The following AHCYL2 variants were observed in gnomAD, a reference collection of about 807,000 sequenced individuals.
AHCYL2 encodes adenosylhomocysteinase like 2, also known as S-adenosylhomocysteine hydrolase-like protein 2.
AHCYL2 carries 28 observed loss-of-function variants against 81.4 expected under a neutral mutation model. The observed-to-expected ratio is 0.34, with a 90% confidence interval of 0.25 to 0.47. The LOEUF (loss-of-function observed/expected upper bound fraction) is 0.47. Ranked by LOEUF, AHCYL2 falls within the 20% of genes least tolerant of loss-of-function variation. The probability of loss-of-function intolerance (pLI) is 1.00; values close to 1 mark genes in which losing one functional copy is unlikely to be tolerated. For missense variants in AHCYL2, 551 were observed against 785.1 expected (o/e 0.70, Z 3.56); for synonymous variants, 272 against 290.2 (o/e 0.94, Z 0.64).
At chr7:129,379,202 C>T (rs1794831854) in intron 1 of AHCYL2, among the ~76,000 whole-genome samples, 1 of 151,562 alleles carries the variant, frequency 6.6e-6, no homozygotes, top group Admixed American at 6.6e-5. Flanking sequence ...ATCACTTGAA[C>T]CCAGAAGGTG....
At chr7:129,308,187 G>C (rs1006087599) in intron 1 of AHCYL2, among the ~76,000 whole-genome samples, 1 of 150,298 alleles carries the variant, frequency 6.7e-6, no homozygotes, top group African/African-American at 2.5e-5. Flanking sequence ...AGTCCTAGTG[G>C]CCTAGACAGC....
At chr7:129,230,930 T>C (rs1457801753) in intron 1 of AHCYL2, among the ~76,000 whole-genome samples, 1 of 152,174 alleles carries the variant, frequency 6.6e-6, no homozygotes, top group Non-Finnish European at 1.5e-5. Context: ...CAGTTTCTTT[T>C]TATTTATTGC....
At chr7:129,342,969 T>C (rs1793238216) in intron 1 of AHCYL2, among the ~76,000 whole-genome samples, 1 of 152,204 alleles carries the variant, frequency 6.6e-6, no homozygotes, top group Admixed American at 6.5e-5. Flanking sequence ...TGAAATCTTT[T>C]CTCTTTTCCT....
chr7:129,399,177 G>A (rs189472171), intron 5 of AHCYL2, among the ~76,000 whole-genome samples: 308 of 147,646 alleles, frequency 2.1e-3, no homozygotes, highest in African/African-American at 7.0e-3. Flanking sequence ...GGCCAGGCGC[G>A]GTGGCTCACA....
intron 1 of AHCYL2, among the ~76,000 whole-genome samples, chr7:129,291,513 C>T (rs1387288559): frequency 7.2e-6 from 1 of 138,762 alleles, no homozygotes; most frequent in African/African-American, 2.5e-5. Flanking sequence ...TTACCCGAGA[C>T]CTTTTTTTTT....
chr7:129,331,728 G>C (rs1010028736), intron 1 of AHCYL2, among the ~76,000 whole-genome samples: 16 of 151,088 alleles, frequency 1.1e-4, no homozygotes, highest in African/African-American at 3.9e-4. Context: ...TGTAGTCCTA[G>C]CTACTCTGGA....
intron 1 of AHCYL2, among the ~76,000 whole-genome samples, chr7:129,288,903 G>A (rs1026694633): frequency 8.7e-5 from 13 of 150,120 alleles, no homozygotes; most frequent in Non-Finnish European, 1.5e-4. Flanking sequence ...CTGAGTAGCT[G>A]CGACTGCAGG....
chr7:129,250,355 G>T (rs1171161396), intron 1 of AHCYL2, among the ~76,000 whole-genome samples: 1 of 152,208 alleles, frequency 6.6e-6, no homozygotes, highest in Non-Finnish European at 1.5e-5. Context: ...ATACCTAAGA[G>T]TGGAATTGCT....
At chr7:129,403,633 G>T (rs1796137488) in intron 7 of AHCYL2, 148 bp downstream of exon 7, 2 of 357,800 alleles carry the variant, frequency 5.6e-6, no homozygotes, top group Non-Finnish European at 1.0e-5. Context: ...GGAGGCTGAG[G>T]TGGGCGGATC....
chr7:129,377,664 C>A (rs1357647129), intron 1 of AHCYL2: 2 of 455,714 alleles, frequency 4.4e-6, no homozygotes, highest in Admixed American at 4.7e-5. Context: ...TTCATTAGAC[C>A]TTCCTCTATG....
chr7:129,409,171 C>T (rs1227372333), intron 10 of AHCYL2, among the ~76,000 whole-genome samples: 2 of 151,814 alleles, frequency 1.3e-5, no homozygotes, highest in Non-Finnish European at 2.9e-5. Context: ...TTGGAGAGAG[C>T]AGTTTCAATG....
intron 1 of AHCYL2, chr7:129,377,757 T>C: frequency 2.7e-6 from 1 of 371,316 alleles, no homozygotes; most frequent in South Asian, 2.1e-5. Flanking sequence ...GAGCTTTTTT[T>C]CCCCAAACAA....
At chr7:129,409,100 A>C (rs545684878) in intron 10 of AHCYL2, among the ~76,000 whole-genome samples, 2 of 146,040 alleles carry the variant, frequency 1.4e-5, no homozygotes, top group East Asian at 2.0e-4. Context: ...AAAAAAAAAA[A>C]CACACACAGT....
chr7:129,370,585 C>G (rs565167412), intron 1 of AHCYL2, among the ~76,000 whole-genome samples: 108 of 152,308 alleles, frequency 7.1e-4, no homozygotes, highest in African/African-American at 2.4e-3. Flanking sequence ...ATAGTCCCAG[C>G]TACTCTGGAG....
rs534519944 is a variant in AHCYL2, at chr7:129,376,065, C to T, written c.364-3573C>T. 5.2e-4 allele frequency: 557 copies of T among 1,061,682 alleles called. 4 individuals carry two copies. The highest frequency in any genetic ancestry group is 2.5e-3 in the South Asian group (157 of 63,708). The allele number at this position is 1,061,682 out of a possible 1,614,324, so 65.8% of individuals were successfully genotyped here. ...ATAAGGTGAGCTACCCCTCTTTTAA[C>T]AGTCTCTTTCCCTCCCTTGCCTTAA... On this transcript the variant is annotated intron_variant, in intron 1 of 16. Coordinates refer to ENST00000325006, the MANE Select transcript of AHCYL2 (RefSeq NM_015328.4).
chr7:129,375,510 T>C (rs1270011105), intron 1 of AHCYL2: 6 of 654,902 alleles, frequency 9.2e-6, no homozygotes, highest in Non-Finnish European at 1.2e-5. Flanking sequence ...AGTGGTTATA[T>C]AAATAAGCTA....
At chr7:129,243,994 T>C (rs1158429890) in intron 1 of AHCYL2, among the ~76,000 whole-genome samples, 3 of 151,826 alleles carry the variant, frequency 2.0e-5, no homozygotes, top group Admixed American at 6.6e-5. Context: ...TTTTTTTCTT[T>C]TTTTGTGCTT....
At position 129,225,195 on chromosome 7, in the gene AHCYL2, C is replaced by G. The variant is rs1369819124; in HGVS notation, c.119C>G (p.Ala40Gly). The change falls in exon 1 of 17, where the codon GCC (alanine) becomes GGC (glycine). Residue 40 changes from alanine to glycine, a missense_variant. Physicochemically the swap from Ala to Gly is moderately conservative, Grantham distance 60. This residue lies in a region of AHCYL2 where 235 missense variants were observed against 242.1 expected (regional missense o/e 0.97). Transcript: ENST00000325006. ...QLGLSTAAVGAMAPPAGGGDP... is the reference protein window; with the variant it reads ...QLGLSTAAVGGMAPPAGGGDP... ...GGACTGAGCACGGCCGCCGTGGGCG[C>G]CATGGCCCCCCCGGCGGGCGGTGGA... 4.5e-6 allele frequency: 7 copies of G among 1,560,602 alleles called. No homozygotes were observed. The highest frequency in any genetic ancestry group is 5.2e-6 in the Non-Finnish European group (6 of 1,159,226).
intron 1 of AHCYL2, among the ~76,000 whole-genome samples, chr7:129,278,805 C>G (rs1796315625): frequency 8.3e-6 from 1 of 120,298 alleles, no homozygotes; most frequent in African/African-American, 3.2e-5. Flanking sequence ...CTAATTGTTG[C>G]AGTATCATTT....
Sources: allele counts gnomAD v4.1 joint callset (sites outside exome capture counted in the v4.1 genomes callset), GRCh38; gene constraint gnomAD v4.1.1; regional missense constraint gnomAD v4.1.1; transcripts MANE v1.5; gene names NCBI Gene and HGNC (gene_info 2026-07-23, HGNC 2026-07-21).